Variants in ACSM2A observed in about 807,000 individuals in gnomAD.
ACSM2A encodes the protein acyl-coenzyme A synthetase ACSM2A, mitochondrial.
Under a neutral mutation model 76.6 loss-of-function variants are expected in ACSM2A, and 72 were observed. The observed-to-expected ratio is 0.94, with a 90% CI of 0.78 to 1.14. The LOEUF (loss-of-function observed/expected upper bound fraction) is 1.14. Ranked by LOEUF, ACSM2A falls within the 50% of genes most tolerant of loss-of-function variation. ACSM2A has a pLI of 0.00. For synonymous variants in ACSM2A, 249 were observed against 255.9 expected, an observed-to-expected ratio of 0.97 and a Z score of 0.26; for missense variants, 684 against 708.5, an observed-to-expected ratio of 0.97 and a Z score of 0.39.
chr16:20,485,843 C>T (rs150149331), intron 13 of ACSM2A, among the ~76,000 whole-genome samples: 1 of 152,198 alleles, frequency 6.6e-6, no homozygotes, highest in Non-Finnish European at 1.5e-5. Context: ...AACACTTAAA[C>T]CAATGGCATG....
intron 13 of ACSM2A, among the ~76,000 whole-genome samples, chr16:20,485,809 A>T (rs1006243518): frequency 2.1e-4 from 32 of 152,302 alleles, no homozygotes; most frequent in African/African-American, 6.3e-4. Context: ...TAAAGGGTTA[A>T]TTTTTATTAA....
At position 20,480,582 on chromosome 16, in the gene ACSM2A, G is replaced by A. The variant is rs749299994; in HGVS notation, c.1291G>A (p.Asp431Asn). The A allele has an allele frequency of 5.1e-5, 83 of 1,613,710 alleles. 1 individual carries two copies. The highest frequency in any genetic ancestry group is 5.9e-5 in the Non-Finnish European group (70 of 1,179,796). ...GIFSGYVDNP[D>N]KTAANIRGDF... ...TTTCTGTGGTCACCAGGACAATCCCGACAAGACAGCAGCCAACATTCGAGG... is the reference window on the plus strand; with the variant it reads ...TTTCTGTGGTCACCAGGACAATCCCAACAAGACAGCAGCCAACATTCGAGG... Residue 431 changes from aspartate (D) to asparagine (N), a missense_variant, in exon 11 of 14, where the codon GAC (aspartate) becomes AAC (asparagine). Physicochemically the swap from Asp to Asn is conservative, Grantham distance 23 (BLOSUM62 1). Around this residue, in one of 3 missense-constraint regions of ACSM2A, gnomAD observed 519 missense variants for 549.5 expected, o/e 0.94. Transcript: ENST00000573854.
chr16:20,483,259 A>G, intron 13 of ACSM2A, 82 bp downstream of exon 13: 1 of 1,569,562 alleles, frequency 6.4e-7, no homozygotes, highest in Non-Finnish European at 8.7e-7. Context: ...CAGGAGGAGG[A>G]CAGTCCTCTA....
chr16:20,481,200 G>C (rs931858816), intron 12 of ACSM2A: 2 of 430,886 alleles, frequency 4.6e-6, no homozygotes, highest in African/African-American at 2.0e-5. Context: ...ACTACCATAC[G>C]ATCCAGCAAT....
In ACSM2A at chr16:20,468,028, C is replaced by T. The variant is rs192174455; in HGVS notation, c.389-1484C>T. ...ATGGGTAAAGAGAAAGACATGAATG[C>T]AGCCAGGAATTAGAAACTATCAGAG... is the stretch of plus-strand genomic sequence containing the variant. On this transcript the variant is annotated intron_variant, in intron 3 of 13. Coordinates refer to ENST00000573854, the MANE Select transcript of ACSM2A (RefSeq NM_001308172.2). Among the ~76,000 whole-genome samples, 352 of 152,148 alleles carry T rather than the reference C, an allele frequency of 2.3e-3. 3 individuals are homozygous for T. The highest frequency in any genetic ancestry group is 8.2e-3 in the African/African-American group (340 of 41,488).
chr16:20,458,905 C>CATATATATATATATAT lies in ACSM2A; in HGVS notation c.-8-1190_-8-1175dup, dbSNP rs72108144. ...ACATAGTATATATTATATATATATG[C>CATATATATATATATAT]ATATATATATATATATATATATATA... On this transcript the variant is annotated intron_variant, in intron 1 of 13. Transcript: ENST00000573854. Among the ~76,000 whole-genome samples the CATATATATATATATAT allele has an allele frequency of 1.5e-4, 11 of 74,874 alleles. 1 individual carries two copies. The South Asian group carries it at 3.4e-3, about 23-fold the overall frequency. The allele number at this position is 74,874 out of a possible 152,430, so 49.1% of individuals were successfully genotyped here.
At chr16:20,482,659 A>C (rs2014149902) in intron 12 of ACSM2A, 1 of 168,802 alleles carries the variant, frequency 5.9e-6, no homozygotes, top group Non-Finnish European at 1.3e-5. Context: ...ATTTCATTTT[A>C]TTTACCGTAA....
chr16:20,459,575 G>A (rs554845914), intron 1 of ACSM2A, among the ~76,000 whole-genome samples: 1 of 152,264 alleles, frequency 6.6e-6, no homozygotes, highest in South Asian at 2.1e-4. Context: ...CATGATCTGG[G>A]TTATGCAAGT....
rs374763713 is a variant in ACSM2A at position 20,486,782 on chromosome 16, A to C, written c.*104A>C. The C allele has an allele frequency of 2.9e-6, 4 of 1,381,904 alleles. No individual in the cohort carries two copies. Among genetic ancestry groups the C allele is most frequent in the Non-Finnish European group, 4.0e-6 (4 of 994,432 alleles). 85.6% of individuals were successfully genotyped at this position (1,381,904 alleles called of 1,614,324 possible). On this transcript the variant is annotated 3_prime_UTR_variant, in exon 14 of 14. Coordinates refer to ENST00000573854, the MANE Select transcript of ACSM2A (RefSeq NM_001308172.2). ...TATATGAGATTCTTTATGGAAGAAC[A>C]TGAATATAAGTTTTGTCTTGCCTTG...
chr16:20,477,307 T>C, intron 8 of ACSM2A, 62 bp from the exon 9 acceptor site: 3 of 1,572,974 alleles, frequency 1.9e-6, no homozygotes, highest in Non-Finnish European at 2.6e-6. Flanking sequence ...AGAAATTTTT[T>C]CTTTTTCTGT....
At position 20,465,678 on chromosome 16, in the gene ACSM2A, G is replaced by T. The variant is rs1191658657; in HGVS notation, c.339G>T (p.Leu113=). 16 of 1,613,864 alleles carry T rather than the reference G, an allele frequency of 9.9e-6. No individual in the cohort carries two copies. The highest frequency in any genetic ancestry group is 1.4e-5 in the Non-Finnish European group (16 of 1,179,868). The change falls in exon 3 of 14, where the codon CTG becomes CTT. Residue 113 remains leucine (L), a synonymous_variant. Coordinates refer to ENST00000573854, the MANE Select transcript of ACSM2A (RefSeq NM_001308172.2). ...LQRGDRVAVV[L]PRVPEWWLVI... is the part of the protein sequence containing the mutation. Reference sequence around the variant, plus strand: ...GTGGGGATCGTGTGGCAGTGGTGCTGCCCCGAGTGCCTGAGTGGTGGCTGG... The same window carrying T: ...GTGGGGATCGTGTGGCAGTGGTGCTTCCCCGAGTGCCTGAGTGGTGGCTGG...
intron 10 of ACSM2A, among the ~76,000 whole-genome samples, chr16:20,479,846 G>A (rs573241073): frequency 6.6e-6 from 1 of 152,286 alleles, no homozygotes; most frequent in African/African-American, 2.4e-5. Flanking sequence ...CTGGCTTCTG[G>A]TCTCAGTTCT....
chr16:20,475,071 G>A (rs1018224199), intron 6 of ACSM2A, among the ~76,000 whole-genome samples: 10 of 152,252 alleles, frequency 6.6e-5, no homozygotes, highest in African/African-American at 1.9e-4. Context: ...GTGTGTTAAC[G>A]AGGGCAAGTC....
intron 1 of ACSM2A, chr16:20,453,433 T>C (rs531754757): frequency 6.6e-6 from 1 of 151,350 alleles, no homozygotes; most frequent in South Asian, 2.1e-4. Context: ...CAATTAACAC[T>C]CTTATAGTTT....
At chr16:20,453,028 C>G (rs7194098) in intron 1 of ACSM2A, among the ~76,000 whole-genome samples, 56,668 of 150,756 alleles carry the variant, frequency 0.38, 11,651 homozygotes, top group East Asian at 0.79. Flanking sequence ...TCTATCTCAC[C>G]GCTTCAGAAG....
Position 20,480,604 on chromosome 16 carries a change from G to T in ACSM2A, c.1313G>T (p.Arg438Leu), listed in dbSNP as rs138191656. 1.2e-6 allele frequency: 2 copies of T among 1,613,698 alleles called. No homozygotes were observed. Among genetic ancestry groups the T allele is most frequent in the South Asian group, 1.1e-5 (1 of 91,036 alleles). The change falls in exon 11 of 14, where the codon CGA becomes CTA. Residue 438 changes from arginine to leucine, a missense_variant. Arg to Leu is a moderately radical substitution (Grantham distance 102). Coordinates refer to ENST00000573854, the MANE Select transcript of ACSM2A (RefSeq NM_001308172.2). The part of the protein sequence containing the change: ...DNPDKTAANI[R>L]GDFWLLGDRG... ...CCCGACAAGACAGCAGCCAACATTC[G>T]AGGAGACTTTTGGCTCCTTGGAGAC...
intron 6 of ACSM2A, 101 bp from the exon 7 acceptor site, chr16:20,475,261 G>C (rs1439910475): frequency 1.0e-5 from 16 of 1,591,640 alleles, no homozygotes; most frequent in African/African-American, 1.3e-5. Context: ...TTTTCATCCA[G>C]ACCTCTACAA....
intron 1 of ACSM2A, among the ~76,000 whole-genome samples, chr16:20,458,433 T>C (rs912843614): frequency 8.4e-6 from 1 of 118,630 alleles, no homozygotes; most frequent in African/African-American, 3.5e-5. Context: ...TGCAGTTATG[T>C]AGTATATATA....
chr16:20,477,152 G>A, intron 8 of ACSM2A: 1 of 716,600 alleles, frequency 1.4e-6, no homozygotes, highest in Admixed American at 3.7e-5. Flanking sequence ...CCTGGGGAGT[G>A]GTAGATGGGT....
Sources: allele counts gnomAD v4.1 joint callset (sites outside exome capture counted in the v4.1 genomes callset), GRCh38; gene constraint gnomAD v4.1.1; regional missense constraint gnomAD v4.1.1; transcripts MANE v1.5; gene names NCBI Gene and HGNC (gene_info 2026-07-23, HGNC 2026-07-21).